KPNA6: variants seen among roughly 807,000 people sequenced by gnomAD.
KPNA6 encodes karyopherin subunit alpha 6.
KPNA6 carries 9 observed loss-of-function variants against 72.0 expected under a neutral mutation model. The ratio of observed to expected loss-of-function variants is 0.13; its 90% CI spans 0.08 to 0.22. KPNA6 has a LOEUF of 0.22. Among genes scored for constraint, KPNA6 ranks in the 10% least tolerant of loss-of-function variants. The pLI, the probability that KPNA6 is intolerant of heterozygous loss-of-function variation, is 1.00. For missense variants in KPNA6, 374 were observed against 655.7 expected, an observed-to-expected ratio of 0.57 and a Z score of 4.69; for synonymous variants, 219 against 242.1, an observed-to-expected ratio of 0.90 and a Z score of 0.89.
chr1:32,138,360 A>G (rs1044884777), intron 1 of KPNA6, among the ~76,000 whole-genome samples: 3 of 151,760 alleles, frequency 2.0e-5, no homozygotes, highest in African/African-American at 7.3e-5. Flanking sequence ...CCTGACCAAC[A>G]TGGAGAAACC....
At chr1:32,157,306 A>C (rs781509246) in intron 3 of KPNA6, 40 bp from the exon 4 acceptor site, 1 of 1,499,560 alleles carries the variant, frequency 6.7e-7, no homozygotes, top group Non-Finnish European at 9.3e-7. Flanking sequence ...TCTGGCTCTA[A>C]TGTTGGTTTG....
At position 32,119,027 on chromosome 1, in the gene KPNA6, TATATA is replaced by T. The variant is rs1480133915; in HGVS notation, c.4+10894_4+10898del. Among the ~76,000 whole-genome samples, 176 of 80,004 alleles carry T rather than the reference TATATA, an allele frequency of 2.2e-3. 3 individuals are homozygous for T. Among genetic ancestry groups the T allele is most frequent in the African/African-American group, 6.6e-3 (99 of 14,894 alleles). The allele number at this position is 80,004 out of a possible 152,430, so 52.5% of individuals were successfully genotyped here. On this transcript the variant is annotated intron_variant, in intron 1 of 13. Transcript: ENST00000373625. ...ATATATATATATATATATATATATA[TATATA>T]TTTTTTTTTTTTTTTTTGAGAGAGA...
At chr1:32,156,745 C>T (rs1642150804) in intron 2 of KPNA6, 108 bp from the exon 3 acceptor site, 2 of 792,338 alleles carry the variant, frequency 2.5e-6, no homozygotes, top group South Asian at 1.8e-5. Flanking sequence ...CCTCACTTCT[C>T]AGCTACTCTA....
intron 1 of KPNA6, among the ~76,000 whole-genome samples, chr1:32,119,032 A>ATATATATATATATTTT (rs1167325052): frequency 7.4e-5 from 3 of 40,274 alleles, no homozygotes; most frequent in African/African-American, 1.0e-4. Context: ...ATATATATAT[A>ATATATATATATATTTT]TTTTTTTTTT....
rs557714314 is a variant in KPNA6 at position 32,173,876 on chromosome 1, T to A, written c.*2982T>A. The A allele has an allele frequency of 6.6e-6, 1 of 152,422 alleles. No homozygotes were observed. The highest frequency in any genetic ancestry group is 2.1e-4 in the South Asian group (1 of 4,834). The allele number at this position is 152,422 out of a possible 1,614,324, so 9.4% of individuals were successfully genotyped here. A position where few individuals can be genotyped will look rare whatever the true frequency, so the allele number is the denominator to read the frequency against. Reference sequence around the variant, plus strand: ...TATGGCTGGTCTATCCTTTTTAAGATCTCTGGTTGGGGGTATCTGGATATG... The same window carrying A: ...TATGGCTGGTCTATCCTTTTTAAGAACTCTGGTTGGGGGTATCTGGATATG... On this transcript the variant is annotated 3_prime_UTR_variant, in exon 14 of 14. Coordinates refer to ENST00000373625, the MANE Select transcript of KPNA6 (RefSeq NM_012316.5).
At chr1:32,147,247 T>C (rs1489723115) in intron 1 of KPNA6, among the ~76,000 whole-genome samples, 2 of 152,162 alleles carry the variant, frequency 1.3e-5, no homozygotes, top group African/African-American at 4.8e-5. Context: ...TTGTCAGATA[T>C]AGAATTCTTG....
intron 1 of KPNA6, among the ~76,000 whole-genome samples, chr1:32,121,786 A>G (rs1273781777): frequency 6.6e-6 from 1 of 152,102 alleles, no homozygotes; most frequent in Non-Finnish European, 1.5e-5. Context: ...CAGCCTGGCC[A>G]ACATGGTGAA....
At chr1:32,160,829 A>G in intron 7 of KPNA6, 126 bp downstream of exon 7, 1 of 682,740 alleles carries the variant, frequency 1.5e-6, no homozygotes, top group Non-Finnish European at 2.7e-6. Flanking sequence ...ATGCATTCTG[A>G]TTGCCAAAGT....
chr1:32,112,038 T>G (rs1014482840), intron 1 of KPNA6, among the ~76,000 whole-genome samples: 2 of 152,184 alleles, frequency 1.3e-5, no homozygotes, highest in Admixed American at 1.3e-4. Context: ...TCATTGTAAC[T>G]CTAGCTCCCT....
At chr1:32,132,964 G>T (rs1459687715) in intron 1 of KPNA6, among the ~76,000 whole-genome samples, 2 of 151,988 alleles carry the variant, frequency 1.3e-5, no homozygotes, top group African/African-American at 4.8e-5. Context: ...CAAACTCCTG[G>T]GCTCCGGTGA....
intron 1 of KPNA6, among the ~76,000 whole-genome samples, chr1:32,117,491 T>TA (rs34416235): frequency 5.0e-4 from 75 of 149,762 alleles, no homozygotes; most frequent in African/African-American, 1.0e-3. Flanking sequence ...TTTTTTTTTT[T>TA]AAAAAAAACA....
intron 1 of KPNA6, among the ~76,000 whole-genome samples, chr1:32,128,675 G>A (rs1316092369): frequency 1.3e-5 from 2 of 151,844 alleles, no homozygotes; most frequent in Non-Finnish European, 2.9e-5. Flanking sequence ...TAGAAGAAGA[G>A]CCTCTGCCAT....
intron 2 of KPNA6, 56 bp downstream of exon 2, chr1:32,154,777 T>C: frequency 1.9e-6 from 3 of 1,596,476 alleles, no homozygotes; most frequent in Non-Finnish European, 2.6e-6. Flanking sequence ...GCCCCTATGG[T>C]TGGCCTCCAC....
chr1:32,121,375 A>G (rs1641430638), intron 1 of KPNA6, among the ~76,000 whole-genome samples: 1 of 152,212 alleles, frequency 6.6e-6, no homozygotes, highest in Non-Finnish European at 1.5e-5. Context: ...GTGGATAGTG[A>G]TGCTGAATTT....
At chr1:32,170,161 C>T (rs1011799116) in intron 13 of KPNA6, 101 bp downstream of exon 13, 1 of 1,014,652 alleles carries the variant, frequency 9.9e-7, no homozygotes, top group African/African-American at 1.6e-5. Flanking sequence ...GGGAAGCATC[C>T]ATAGCTTCCA....
intron 8 of KPNA6, 46 bp downstream of exon 8, chr1:32,162,092 A>G (rs141411307): frequency 6.8e-7 from 1 of 1,473,900 alleles, no homozygotes; most frequent in African/African-American, 1.4e-5. Context: ...AGGTTCCTTC[A>G]TATGGAGTTT....
chr1:32,150,899 A>G (rs1250425414), intron 1 of KPNA6, among the ~76,000 whole-genome samples: 1 of 152,018 alleles, frequency 6.6e-6, no homozygotes, highest in Non-Finnish European at 1.5e-5. Flanking sequence ...TGCTGGGATT[A>G]CAGCCGTGAG....
chr1:32,156,802 TG>T, intron 2 of KPNA6, 50 bp from the exon 3 acceptor site: 1 of 1,360,662 alleles, frequency 7.3e-7, no homozygotes, highest in East Asian at 2.3e-5. Context: ...GATTGTTCTT[TG>T]TTTTCTTTGG....
chr1:32,112,074 C>T (rs1420340906), intron 1 of KPNA6, among the ~76,000 whole-genome samples: 2 of 152,178 alleles, frequency 1.3e-5, no homozygotes, highest in Non-Finnish European at 2.9e-5. Flanking sequence ...TAGGCATGGG[C>T]ATATGATGCA....
Sources: allele counts gnomAD v4.1 joint callset (sites outside exome capture counted in the v4.1 genomes callset), GRCh38; gene constraint gnomAD v4.1.1; transcripts MANE v1.5; gene names NCBI Gene and HGNC (gene_info 2026-07-23, HGNC 2026-07-21).